Variants in TMEM41B observed in about 807,000 individuals in gnomAD.
TMEM41B encodes the protein transmembrane protein 41B, also known as protein stasimon.
TMEM41B carries 18 observed loss-of-function variants against 31.9 expected under a neutral mutation model. The observed-to-expected ratio is 0.56, with a 90% CI of 0.39 to 0.84. TMEM41B has a LOEUF of 0.84. TMEM41B is among the 40% of genes least tolerant of loss of function. The pLI, the probability that TMEM41B is intolerant of heterozygous loss-of-function variation, is 0.00. For missense variants in TMEM41B, 322 were observed against 348.0 expected (o/e 0.93, Z 0.59); for synonymous variants, 144 against 124.3 (o/e 1.16, Z -1.05).
chr11:9,284,485 C>T (rs565929149), intron 6 of TMEM41B, among the ~76,000 whole-genome samples: 33 of 152,040 alleles, frequency 2.2e-4, no homozygotes, highest in East Asian at 3.9e-4. Flanking sequence ...AAAACAGGCC[C>T]GGCACAGTGG....
intron 3 of TMEM41B, among the ~76,000 whole-genome samples, chr11:9,291,064 C>G (rs1002903143): frequency 6.6e-6 from 1 of 151,920 alleles, no homozygotes; most frequent in Non-Finnish European, 1.5e-5. Context: ...TGTAGTGAGC[C>G]GAGATCATGC....
Position 9,285,052 on chromosome 11 carries a change from AT to A in TMEM41B, c.706+1402del, listed in dbSNP as rs926958421. Reference sequence around the variant, plus strand: ...TCCCCATGCTGATGTAAGTTTGTCCATTTTTTTTTCTTTTCTTTTCATTCTT... The same window carrying A: ...TCCCCATGCTGATGTAAGTTTGTCCATTTTTTTTCTTTTCTTTTCATTCTT... On this transcript the variant is annotated intron_variant, in intron 6 of 6. Coordinates refer to ENST00000528080, the MANE Select transcript of TMEM41B (RefSeq NM_015012.4). 3.5e-3 allele frequency among the ~76,000 whole-genome samples: 493 copies of A among 140,328 alleles called. 7 individuals carry two copies. The highest frequency in any genetic ancestry group is 3.2e-3 in the Non-Finnish European group (205 of 64,046). 92.1% of individuals were successfully genotyped at this position (140,328 alleles called of 152,430 possible).
At chr11:9,290,472 C>T (rs1349349490) in intron 3 of TMEM41B, among the ~76,000 whole-genome samples, 1 of 151,826 alleles carries the variant, frequency 6.6e-6, no homozygotes, top group East Asian at 1.9e-4. Context: ...ATGGGTACAG[C>T]AAACCAACGT....
rs563790678 is a variant in TMEM41B, at chr11:9,285,330, G to A, written c.706+1125C>T. 1.5e-4 allele frequency among the ~76,000 whole-genome samples: 23 copies of A among 152,110 alleles called. No individual in the cohort carries two copies. In the South Asian group the frequency reaches 3.5e-3, roughly 23 times the overall value. ...GAACTCTTGACCTTGTGATCCACCC[G>A]CCTTGGCCTACCAAAGTGCTGGGAT... is the stretch of plus-strand genomic sequence containing the variant. On this transcript the variant is annotated intron_variant, in intron 6 of 6. Coordinates refer to ENST00000528080, the MANE Select transcript of TMEM41B (RefSeq NM_015012.4).
chr11:9,289,595 A>C (rs757694817), intron 3 of TMEM41B, among the ~76,000 whole-genome samples: 7 of 152,204 alleles, frequency 4.6e-5, no homozygotes, highest in Admixed American at 6.5e-5. Flanking sequence ...CTTAAAAAAC[A>C]ACCTCAACCA....
intron 6 of TMEM41B, among the ~76,000 whole-genome samples, chr11:9,285,656 T>C (rs1413764562): frequency 6.6e-6 from 1 of 152,154 alleles, no homozygotes; most frequent in African/African-American, 2.4e-5. Context: ...AGAAAGTTTG[T>C]TGATCCTTGC....
chr11:9,289,085 C>T (rs930651279), intron 3 of TMEM41B, among the ~76,000 whole-genome samples: 1 of 152,166 alleles, frequency 6.6e-6, no homozygotes, highest in Admixed American at 6.6e-5. Flanking sequence ...CTCACTGCAG[C>T]CTCAAATGCC....
chr11:9,295,893 G>A (rs1379772550), intron 2 of TMEM41B, among the ~76,000 whole-genome samples: 3 of 151,650 alleles, frequency 2.0e-5, no homozygotes, highest in African/African-American at 7.3e-5. Flanking sequence ...GTCTCACTCT[G>A]TTGCCCAGGC....
intron 1 of TMEM41B, among the ~76,000 whole-genome samples, chr11:9,310,600 CAA>C (rs1853534225): frequency 6.7e-6 from 1 of 149,176 alleles, no homozygotes; most frequent in Non-Finnish European, 1.5e-5. Context: ...CAAACACCAC[CAA>C]AAAAGTTATG....
intron 3 of TMEM41B, among the ~76,000 whole-genome samples, chr11:9,290,692 T>C (rs1235140886): frequency 6.6e-6 from 1 of 152,210 alleles, no homozygotes; most frequent in East Asian, 1.9e-4. Context: ...TTTTGTTGTT[T>C]AACGCAACTG....
At position 9,286,446 on chromosome 11, in the gene TMEM41B, A is replaced by AGGGCTTACCTAGAAAAGTACCAATAAG. The variant is rs1852839388; in HGVS notation, c.706+8_706+9insCTTATTGGTACTTTTCTAGGTAAGCCC. On this transcript the variant is annotated intron_variant, in intron 6 of 6. Transcript: ENST00000528080. ...TGAGCTCATACACAGCAAGAACCAG[A>AGGGCTTACCTAGAAAAGTACCAATAAG]GGGCTTACCTAGAAAAGTACCAATA... The AGGGCTTACCTAGAAAAGTACCAATAAG allele has an allele frequency of 6.2e-7, 1 of 1,606,226 alleles. No individual in the cohort carries two copies.
At chr11:9,293,191 TC>T (rs996243353) in intron 3 of TMEM41B, among the ~76,000 whole-genome samples, 3 of 151,602 alleles carry the variant, frequency 2.0e-5, no homozygotes, top group Admixed American at 6.6e-5. Flanking sequence ...AGCCTCAACT[TC>T]CCTGGGCTCA....
intron 6 of TMEM41B, among the ~76,000 whole-genome samples, chr11:9,285,061 T>C (rs1453995844): frequency 6.6e-6 from 1 of 151,702 alleles, no homozygotes; most frequent in Admixed American, 6.6e-5. Context: ...CATTTTTTTT[T>C]CTTTTCTTTT....
At chr11:9,308,000 T>G (rs1853443252) in intron 1 of TMEM41B, among the ~76,000 whole-genome samples, 1 of 150,992 alleles carries the variant, frequency 6.6e-6, no homozygotes, top group Non-Finnish European at 1.5e-5. Context: ...CCTCCCAAAG[T>G]GCTGGGATTA....
intron 1 of TMEM41B, among the ~76,000 whole-genome samples, chr11:9,305,443 A>T (rs991263034): frequency 1.3e-5 from 2 of 152,156 alleles, no homozygotes; most frequent in Non-Finnish European, 2.9e-5. Context: ...TACTAAAAAT[A>T]TAAAAAATTA....
At chr11:9,289,007 T>A in intron 3 of TMEM41B, among the ~76,000 whole-genome samples, 1 of 152,020 alleles carries the variant, frequency 6.6e-6, no homozygotes, top group South Asian at 2.1e-4. Context: ...ATAGTAAAAG[T>A]CACAAATCTT....
intron 1 of TMEM41B, among the ~76,000 whole-genome samples, chr11:9,300,028 A>C (rs1853208584): frequency 6.6e-6 from 1 of 152,192 alleles, no homozygotes; most frequent in South Asian, 2.1e-4. Context: ...CTGAGGCAGG[A>C]GAATCACTTA....
intron 3 of TMEM41B, among the ~76,000 whole-genome samples, chr11:9,290,702 G>T (rs1215938786): frequency 6.6e-6 from 1 of 152,078 alleles, no homozygotes; most frequent in Admixed American, 6.6e-5. Flanking sequence ...TAACGCAACT[G>T]TATTTTTTCC....
chr11:9,314,170 GCCCAACTCC>G (rs1184907156), intron 1 of TMEM41B, 142 bp downstream of exon 1: 4 of 1,028,846 alleles, frequency 3.9e-6, no homozygotes, highest in Non-Finnish European at 5.4e-6. Flanking sequence ...GAGCGCCCAA[GCCCAACTCC>G]CCCACGGTCT....
Sources: allele counts gnomAD v4.1 joint callset (sites outside exome capture counted in the v4.1 genomes callset), GRCh38; gene constraint gnomAD v4.1.1; transcripts MANE v1.5; gene names NCBI Gene and HGNC (gene_info 2026-07-23, HGNC 2026-07-21).